The following STAMBP variants were observed in gnomAD, a reference collection of about 807,000 sequenced individuals.
STAMBP encodes STAM-binding protein.
In STAMBP, 31 loss-of-function variants were observed where a neutral mutation model predicts 50.7. The ratio of observed to expected loss-of-function variants is 0.61; its 90% CI spans 0.46 to 0.83. The LOEUF is 0.83. Ranked by LOEUF, STAMBP falls within the 40% of genes least tolerant of loss-of-function variation. The pLI is 0.00. For synonymous variants in STAMBP, 211 were observed against 192.4 expected, an observed-to-expected ratio of 1.10 and a Z score of -0.80; for missense variants, 472 against 518.9, an observed-to-expected ratio of 0.91 and a Z score of 0.88.
In STAMBP at chr2:73,865,077, A is replaced by G. The variant is rs1343124298; in HGVS notation, c.*2818A>G. ...TTGAGAGGCAAGGATTTCAGCTTTC[A>G]TTTGGTACCACAGAATTTAAAATTG... On this transcript the variant is annotated 3_prime_UTR_variant, in exon 10 of 10. Coordinates refer to ENST00000394070, the MANE Select transcript of STAMBP (RefSeq NM_213622.4). 1 of 152,184 alleles carries G rather than the reference A, an allele frequency of 6.6e-6. No homozygotes were observed. Among genetic ancestry groups the G allele is most frequent in the Non-Finnish European group, 1.5e-5 (1 of 68,038 alleles). 9.4% of individuals were successfully genotyped at this position (152,184 alleles called of 1,614,324 possible). A position where few individuals can be genotyped will look rare whatever the true frequency, so the allele number is the denominator to read the frequency against.
Position 73,829,110 on chromosome 2 carries a change from T to TGCCCGGCCTGCCTCGCTCGAGGC in STAMBP, c.-412_-390dup, listed in dbSNP as rs1166029955. 8.5e-5 allele frequency: 13 copies of TGCCCGGCCTGCCTCGCTCGAGGC among 152,290 alleles called. No individual in the cohort carries two copies. Among genetic ancestry groups the TGCCCGGCCTGCCTCGCTCGAGGC allele is most frequent in the Non-Finnish European group, 1.5e-4 (10 of 68,106 alleles). 9.4% of individuals were successfully genotyped at this position (152,290 alleles called of 1,614,324 possible). A position where few individuals can be genotyped will look rare whatever the true frequency, so the allele number is the denominator to read the frequency against. ...TGCAGCCTACTCTCCCCGAGTCCCC[T>TGCCCGGCCTGCCTCGCTCGAGGC]GCCCGGCCTGCCTCGCTCGAGGCAC... On this transcript the variant is annotated 5_prime_UTR_variant, in exon 1 of 10. Coordinates refer to ENST00000394070, the MANE Select transcript of STAMBP (RefSeq NM_213622.4).
chr2:73,832,638 C>CAAA (rs1674113781), intron 2 of STAMBP, among the ~76,000 whole-genome samples: 1 of 152,156 alleles, frequency 6.6e-6, no homozygotes, highest in East Asian at 1.9e-4. Flanking sequence ...CAGGGCTTTT[C>CAAA]AACTTTGGCC....
chr2:73,862,272 A>AT lies in STAMBP; in HGVS notation c.*13_*14insT. The AT allele has an allele frequency of 6.2e-7, 1 of 1,607,306 alleles. No homozygotes were observed. On this transcript the variant is annotated 3_prime_UTR_variant, in exon 10 of 10. Transcript: ENST00000394070. ...AGACCTTCGATGAGCGTTTGAGTCCAACACCTTCCAAGAACAACAAAACCA... is the reference window on the plus strand; with the variant it reads ...AGACCTTCGATGAGCGTTTGAGTCCATACACCTTCCAAGAACAACAAAACCA...
chr2:73,858,922 C>T (rs1433319457), intron 7 of STAMBP, among the ~76,000 whole-genome samples: 1 of 151,710 alleles, frequency 6.6e-6, no homozygotes, highest in Non-Finnish European at 1.5e-5. Context: ...AGCCCAGACC[C>T]CCCAATGGAT....
At chr2:73,856,414 C>T (rs949454842) in intron 7 of STAMBP, among the ~76,000 whole-genome samples, 4 of 152,156 alleles carry the variant, frequency 2.6e-5, no homozygotes, top group Admixed American at 6.5e-5. Flanking sequence ...ACCATCTGTT[C>T]CAGAATGGGT....
In STAMBP at chr2:73,845,268, T is replaced by C; in HGVS notation, c.375+6T>C. 6.3e-7 allele frequency: 1 copy of C among 1,586,948 alleles called. No individual in the cohort carries two copies. Among genetic ancestry groups the C allele is most frequent in the Non-Finnish European group, 8.6e-7 (1 of 1,159,768 alleles). The stretch of plus-strand genomic sequence containing the variant: ...CAGAATATAATGAAGAAAAGGTCAG[T>C]ATATAACAGCTAAGAAGAAAATTAT... On this transcript the variant is annotated splice_donor_region_variant and intron_variant, in intron 4 of 9. Coordinates refer to ENST00000394070, the MANE Select transcript of STAMBP (RefSeq NM_213622.4).
chr2:73,840,215 A>G (rs542066646), intron 2 of STAMBP, among the ~76,000 whole-genome samples: 5 of 152,244 alleles, frequency 3.3e-5, no homozygotes, highest in Non-Finnish European at 5.9e-5. Flanking sequence ...TGCTCAGTAA[A>G]TATTCACTGA....
downstream of STAMBP, among the ~76,000 whole-genome samples, chr2:73,872,052 C>T (rs186225817): frequency 2.0e-3 from 311 of 152,244 alleles, no homozygotes; most frequent in Non-Finnish European, 3.7e-3. Flanking sequence ...GGATTACAGA[C>T]GTGAGCCACC....
chr2:73,843,415 T>C (rs1029601070), intron 2 of STAMBP, among the ~76,000 whole-genome samples: 1 of 138,546 alleles, frequency 7.2e-6, no homozygotes, highest in African/African-American at 2.8e-5. Flanking sequence ...TGTATATATA[T>C]ATATGTATAT....
In STAMBP at chr2:73,847,520, G is replaced by A. The variant is rs369143611; in HGVS notation, c.509G>A (p.Arg170Gln). 74 of 1,614,022 alleles carry A rather than the reference G, an allele frequency of 4.6e-5. No individual in the cohort carries two copies. The highest frequency in any genetic ancestry group is 1.6e-4 in the Middle Eastern group (1 of 6,084). ...EQFHAFEEMI[R>Q]NQELEKERLK... ...TTCCATGCCTTCGAGGAGATGATCC[G>A]GAACCAGGAGCTAGAAAAAGAGCGA... The change falls in exon 5 of 10, where the codon CGG (arginine) becomes CAG (glutamine). Residue 170 changes from arginine (R) to glutamine (Q), a missense_variant. Arg to Gln is a conservative substitution (Grantham distance 43, BLOSUM62 1). Transcript: ENST00000394070.
At chr2:73,840,916 C>T (rs1675309166) in intron 2 of STAMBP, among the ~76,000 whole-genome samples, 1 of 152,056 alleles carries the variant, frequency 6.6e-6, no homozygotes, top group South Asian at 2.1e-4. Flanking sequence ...TTTCTCTATA[C>T]CAGGTATGAT....
At chr2:73,834,278 T>A (rs1242808817) in intron 2 of STAMBP, among the ~76,000 whole-genome samples, 16 of 81,694 alleles carry the variant, frequency 2.0e-4, no homozygotes, top group Non-Finnish European at 3.0e-4. Flanking sequence ...TATATATATA[T>A]ATATATATAA....
At chr2:73,833,863 TA>T (rs1338030155) in intron 2 of STAMBP, among the ~76,000 whole-genome samples, 2 of 151,884 alleles carry the variant, frequency 1.3e-5, no homozygotes, top group Non-Finnish European at 2.9e-5. Flanking sequence ...AGCAAATAAA[TA>T]CAGCTGACCC....
chr2:73,842,041 C>G (rs1037573698), intron 2 of STAMBP, among the ~76,000 whole-genome samples: 1 of 152,090 alleles, frequency 6.6e-6, no homozygotes, highest in Non-Finnish European at 1.5e-5. Flanking sequence ...TAAAGAGGTA[C>G]TTGGTGAAAA....
downstream of STAMBP, among the ~76,000 whole-genome samples, chr2:73,867,971 A>G (rs187477526): frequency 6.6e-6 from 1 of 152,034 alleles, no homozygotes; most frequent in Admixed American, 6.5e-5. Flanking sequence ...CTAAAAATAC[A>G]AAATTAGCCG....
chr2:73,837,991 A>G (rs1674933608), intron 2 of STAMBP, among the ~76,000 whole-genome samples: 1 of 152,202 alleles, frequency 6.6e-6, no homozygotes, highest in African/African-American at 2.4e-5. Context: ...GAGAGTAGCC[A>G]CCTATGTCAG....
downstream of STAMBP, among the ~76,000 whole-genome samples, chr2:73,868,864 G>A (rs1229345125): frequency 6.6e-6 from 1 of 151,836 alleles, no homozygotes; most frequent in Non-Finnish European, 1.5e-5. Flanking sequence ...GAGGGTGAGA[G>A]AGGCCTTGAC....
chr2:73,835,201 A>G (rs1674560466), intron 2 of STAMBP, among the ~76,000 whole-genome samples: 2 of 152,098 alleles, frequency 1.3e-5, no homozygotes, highest in African/African-American at 2.4e-5. Flanking sequence ...TAAAAATACA[A>G]AACTTAGCCG....
chr2:73,834,889 A>G (rs1266651070), intron 2 of STAMBP, among the ~76,000 whole-genome samples: 1 of 152,160 alleles, frequency 6.6e-6, no homozygotes, highest in Non-Finnish European at 1.5e-5. Context: ...TTGAAAGATC[A>G]TTGTGTTTGG....
Sources: allele counts gnomAD v4.1 joint callset (sites outside exome capture counted in the v4.1 genomes callset), GRCh38; gene constraint gnomAD v4.1.1; transcripts MANE v1.5; gene names NCBI Gene and HGNC (gene_info 2026-07-23, HGNC 2026-07-21).